KCTD21: variants seen among roughly 807,000 people sequenced by gnomAD.
KCTD21 encodes the protein BTB/POZ domain-containing protein KCTD21.
KCTD21 carries 9 observed loss-of-function variants against 13.2 expected under a neutral mutation model. The observed-to-expected ratio is 0.68, with a 90% CI of 0.41 to 1.19. KCTD21 has a LOEUF of 1.19. Ranked by LOEUF, KCTD21 falls within the 50% of genes most tolerant of loss-of-function variation. KCTD21 has a pLI of 0.01. For missense variants in KCTD21, 303 were observed against 336.5 expected, an observed-to-expected ratio of 0.90 and a Z score of 0.78; for synonymous variants, 142 against 137.4, an observed-to-expected ratio of 1.03 and a Z score of -0.23.
intron 1 of KCTD21, chr11:78,188,321 G>C (rs1862873418): frequency 3.0e-6 from 3 of 984,600 alleles, no homozygotes; most frequent in African/African-American, 3.5e-5. Flanking sequence ...CATTATCCGG[G>C]CTTTTCCGAC....
rs1327204865 is a variant in KCTD21 at position 78,188,183 on chromosome 11, G to A, written c.-30+390C>T. 5.1e-6 allele frequency: 5 copies of A among 984,936 alleles called. No homozygotes were observed. The African/African-American group carries it at 8.8e-5, about 17-fold the overall frequency. The allele number at this position is 984,936 out of a possible 1,614,324, so 61.0% of individuals were successfully genotyped here. A position where few individuals can be genotyped will look rare whatever the true frequency, so the allele number is the denominator to read the frequency against. Reference sequence around the variant, plus strand: ...CAATCTCACCCAGGCTGGCCTCATCGGCTTGTTCCGCACCCACTCCCCAGC... The same window carrying A: ...CAATCTCACCCAGGCTGGCCTCATCAGCTTGTTCCGCACCCACTCCCCAGC... On this transcript the variant is annotated intron_variant, in intron 1 of 1. Coordinates refer to ENST00000340067, the MANE Select transcript of KCTD21 (RefSeq NM_001029859.3).
At chr11:78,183,733 T>G (rs545268111) in intron 1 of KCTD21, among the ~76,000 whole-genome samples, 1 of 150,904 alleles carries the variant, frequency 6.6e-6, no homozygotes, top group Admixed American at 6.6e-5. Context: ...CTCCCAGGGT[T>G]CACGCCATTC....
intron 1 of KCTD21, among the ~76,000 whole-genome samples, chr11:78,179,240 G>A (rs927854480): frequency 1.3e-5 from 2 of 149,742 alleles, no homozygotes; most frequent in South Asian, 2.1e-4. Flanking sequence ...GTTTCACCAC[G>A]TTGGCCAGGC....
chr11:78,175,857 A>G (rs1164075626), intron 1 of KCTD21, among the ~76,000 whole-genome samples: 4 of 151,968 alleles, frequency 2.6e-5, no homozygotes, highest in East Asian at 1.9e-4. Flanking sequence ...AGCATTAGGT[A>G]TATCTCCTAA....
At chr11:78,182,289 C>T (rs1862647426) in intron 1 of KCTD21, among the ~76,000 whole-genome samples, 2 of 114,792 alleles carry the variant, frequency 1.7e-5, no homozygotes, top group Non-Finnish European at 1.8e-5. Context: ...CAGGCCTTAT[C>T]CCAAAGCACC....
At chr11:78,176,232 C>T (rs1256540431) in intron 1 of KCTD21, 1 of 152,256 alleles carries the variant, frequency 6.6e-6, no homozygotes, top group Non-Finnish European at 1.5e-5. Context: ...TCTAGACTTT[C>T]ACTGCTCCCA....
intron 1 of KCTD21, chr11:78,188,177 C>T (rs1862859044): frequency 1.0e-6 from 1 of 985,376 alleles, no homozygotes; most frequent in Non-Finnish European, 1.2e-6. Flanking sequence ...CCAGGCTGGC[C>T]TCATCGGCTT....
At position 78,187,907 on chromosome 11, in the gene KCTD21, C is replaced by T. The variant is rs1480286926; in HGVS notation, c.-30+666G>A. The T allele has an allele frequency of 3.0e-6, 3 of 985,364 alleles. No individual in the cohort carries two copies. The African/African-American group carries it at 5.2e-5, about 17-fold the overall frequency. The allele number at this position is 985,364 out of a possible 1,614,324, so 61.0% of individuals were successfully genotyped here. A position where few individuals can be genotyped will look rare whatever the true frequency, so the allele number is the denominator to read the frequency against. ...CTGAGTGGTTTTAGGCAAGTCCCTT[C>T]GCTTTTCTGAGCCTCACATTCCTCA... On this transcript the variant is annotated intron_variant, in intron 1 of 1. Coordinates refer to ENST00000340067, the MANE Select transcript of KCTD21 (RefSeq NM_001029859.3).
At chr11:78,186,160 GAGTTCAGGA>G (rs1862756463) in intron 1 of KCTD21, among the ~76,000 whole-genome samples, 1 of 151,226 alleles carries the variant, frequency 6.6e-6, no homozygotes, top group Admixed American at 6.6e-5. Context: ...AGGATCGCTT[GAGTTCAGGA>G]GTTTGAGACC....
intron 1 of KCTD21, among the ~76,000 whole-genome samples, chr11:78,182,547 C>T (rs747237741): frequency 6.6e-6 from 1 of 152,098 alleles, no homozygotes; most frequent in Non-Finnish European, 1.5e-5. Context: ...TGAAGAGACA[C>T]AACTAGCAAT....
At chr11:78,178,905 A>C (rs1413214615) in intron 1 of KCTD21, among the ~76,000 whole-genome samples, 1 of 151,726 alleles carries the variant, frequency 6.6e-6, no homozygotes, top group African/African-American at 2.4e-5. Flanking sequence ...CAACCCTCCC[A>C]CTCCACCATG....
Position 78,181,320 on chromosome 11 carries a change from C to G in KCTD21, c.-29-6737G>C, listed in dbSNP as rs532862623. On this transcript the variant is annotated intron_variant, in intron 1 of 1. Transcript: ENST00000340067. ...TACATCCATACAATAGAATATGACT[C>G]AGCAATATATAGGAACTACTAAAAG... Among the ~76,000 whole-genome samples, 10 of 152,296 alleles carry G rather than the reference C, an allele frequency of 6.6e-5. No individual in the cohort carries two copies. The East Asian group carries it at 1.9e-3, about 29-fold the overall frequency.
At chr11:78,184,128 AAG>A (rs976888429) in intron 1 of KCTD21, among the ~76,000 whole-genome samples, 3 of 152,240 alleles carry the variant, frequency 2.0e-5, no homozygotes, top group African/African-American at 7.2e-5. Context: ...TATTAATTGT[AAG>A]AGAGAAAAAT....
At chr11:78,175,328 A>T (rs1228737653) in intron 1 of KCTD21, 1 of 150,826 alleles carries the variant, frequency 6.6e-6, no homozygotes, top group Non-Finnish European at 1.5e-5. Flanking sequence ...TGTCTCAAAA[A>T]AAAAAAAAAA....
chr11:78,179,521 A>G (rs1336977400), intron 1 of KCTD21, among the ~76,000 whole-genome samples: 1 of 151,788 alleles, frequency 6.6e-6, no homozygotes, highest in Non-Finnish European at 1.5e-5. Flanking sequence ...ATCTCCTTGA[A>G]CCCATCCCTA....
intron 1 of KCTD21, among the ~76,000 whole-genome samples, chr11:78,183,347 C>T (rs907958927): frequency 4.7e-4 from 72 of 152,074 alleles, no homozygotes; most frequent in African/African-American, 1.7e-3. Context: ...ACCAGCCTGG[C>T]TAACATGGCA....
intron 1 of KCTD21, among the ~76,000 whole-genome samples, chr11:78,185,758 A>C (rs1862746505): frequency 6.6e-6 from 1 of 151,832 alleles, no homozygotes; most frequent in Non-Finnish European, 1.5e-5. Context: ...TGCCCGGCTA[A>C]TTTTTGTATT....
At chr11:78,185,081 GCTTATTA>G (rs1862730601) in intron 1 of KCTD21, among the ~76,000 whole-genome samples, 2 of 152,112 alleles carry the variant, frequency 1.3e-5, no homozygotes, top group South Asian at 4.1e-4. Flanking sequence ...CTGACTTCTT[GCTTATTA>G]CATATAATGT....
At chr11:78,176,921 G>A (rs1368625228) in intron 1 of KCTD21, 1 of 152,404 alleles carries the variant, frequency 6.6e-6, no homozygotes, top group Non-Finnish European at 1.5e-5. Flanking sequence ...GCTGAGGTGG[G>A]AGGATCGCTT....
Sources: allele counts gnomAD v4.1 joint callset (sites outside exome capture counted in the v4.1 genomes callset), GRCh38; gene constraint gnomAD v4.1.1; transcripts MANE v1.5; gene names NCBI Gene and HGNC (gene_info 2026-07-23, HGNC 2026-07-21).